The following EGFR variants were observed in gnomAD, a reference collection of about 807,000 sequenced individuals.
The protein encoded by EGFR is avian erythroblastic leukemia viral (v-erb-b) oncogene homolog.
EGFR carries 58 observed loss-of-function variants against 143.0 expected under a neutral mutation model. The observed-to-expected ratio is 0.41, with a 90% CI of 0.33 to 0.50. The LOEUF (loss-of-function observed/expected upper bound fraction) is 0.50. Among genes scored for constraint, EGFR ranks in the 20% least tolerant of loss-of-function variants. The pLI, the probability that EGFR is intolerant of heterozygous loss-of-function variation, is 0.39. For missense variants in EGFR, 1,307 were observed against 1,579.0 expected (o/e 0.83, Z 2.92); for synonymous variants, 613 against 594.4 (o/e 1.03, Z -0.45).
At chr7:55,067,684 G>A (rs1007537721) in intron 1 of EGFR, among the ~76,000 whole-genome samples, 1 of 151,294 alleles carries the variant, frequency 6.6e-6, no homozygotes, top group Non-Finnish European at 1.5e-5. Flanking sequence ...ATATTTAATT[G>A]ACAAATAAAA....
chr7:55,043,900 C>T (rs1788043694), intron 1 of EGFR: 1 of 152,160 alleles, frequency 6.6e-6, no homozygotes, highest in African/African-American at 2.4e-5. Flanking sequence ...GGATGGCATT[C>T]CTGACCAGTT....
chr7:55,166,399 G>C (rs1322482243), intron 15 of EGFR: 1 of 537,828 alleles, frequency 1.9e-6, no homozygotes, highest in Non-Finnish European at 3.6e-6. Context: ...GTGCCCTTGG[G>C]CAAGGGTCTT....
chr7:55,129,653 A>G lies in EGFR; in HGVS notation c.89-12633A>G, dbSNP rs569020114. ...GGAGCTGCAACACTGCCCTGCACAC[A>G]AACACACACAAATAACAATCCCCAG... On this transcript the variant is annotated intron_variant, in intron 1 of 27. Transcript: ENST00000275493. 3.9e-5 allele frequency among the ~76,000 whole-genome samples: 6 copies of G among 152,306 alleles called. No homozygotes were observed. In the East Asian group the frequency reaches 1.2e-3, roughly 29 times the overall value.
intron 1 of EGFR, among the ~76,000 whole-genome samples, chr7:55,134,749 T>C (rs912188101): frequency 2.0e-5 from 3 of 152,210 alleles, no homozygotes; most frequent in South Asian, 2.1e-4. Flanking sequence ...GGTAAAACAG[T>C]TATCATTGAA....
At chr7:55,131,745 G>A (rs1793849629) in intron 1 of EGFR, among the ~76,000 whole-genome samples, 1 of 152,108 alleles carries the variant, frequency 6.6e-6, no homozygotes, top group African/African-American at 2.4e-5. Context: ...AAGTCCAGAG[G>A]CCCTGGGGTG....
chr7:55,182,000 G>C (rs1322756145), intron 20 of EGFR: 1 of 205,478 alleles, frequency 4.9e-6, no homozygotes, highest in African/African-American at 2.3e-5. Context: ...CTTTCCACAG[G>C]CTCGCTCCAG....
intron 1 of EGFR, among the ~76,000 whole-genome samples, chr7:55,073,197 C>A (rs1048247852): frequency 6.6e-6 from 1 of 152,204 alleles, no homozygotes; most frequent in East Asian, 1.9e-4. Flanking sequence ...AAACTATGTG[C>A]CGGATCAAGG....
chr7:55,151,332 T>G lies in EGFR; in HGVS notation c.598T>G (p.Trp200Gly). ...CDPSCPNGSC[W>G]GAGEENCQKL... ...TCCAAGCTGTCCCAATGGGAGCTGC[T>G]GGGGTGCAGGAGAGGAGAACTGCCA... is the stretch of plus-strand genomic sequence containing the variant. The change falls in exon 5 of 28, where the codon TGG (tryptophan) becomes GGG (glycine). Residue 200 changes from tryptophan to glycine, a missense_variant. Coordinates refer to ENST00000275493, the MANE Select transcript of EGFR (RefSeq NM_005228.5). The G allele has an allele frequency of 6.2e-7, 1 of 1,614,216 alleles. No individual in the cohort carries two copies. Among genetic ancestry groups the G allele is most frequent in the Non-Finnish European group, 8.5e-7 (1 of 1,180,034 alleles).
intron 17 of EGFR, 145 bp from the exon 18 acceptor site, chr7:55,173,776 T>A (rs2128953231): frequency 1.5e-6 from 2 of 1,296,058 alleles, no homozygotes; most frequent in Non-Finnish European, 2.2e-6. Context: ...ACATTTGTCC[T>A]TCCAAATGAG....
Position 55,206,601 on chromosome 7 carries a change from T to C in EGFR, c.*984T>C, listed in dbSNP as rs1176855682. 4.3e-6 allele frequency: 1 copy of C among 233,202 alleles called. No individual in the cohort carries two copies. 14.4% of individuals were successfully genotyped at this position (233,202 alleles called of 1,614,324 possible). ...GAAATGCATCAGGTCCTTTGGGGCA[T>C]AGATCAGAAGACTACAAAAATGAAG... On this transcript the variant is annotated 3_prime_UTR_variant, in exon 28 of 28. Coordinates refer to ENST00000275493, the MANE Select transcript of EGFR (RefSeq NM_005228.5).
chr7:55,153,462 C>T (rs192147339), intron 6 of EGFR, among the ~76,000 whole-genome samples: 1 of 152,306 alleles, frequency 6.6e-6, no homozygotes, highest in East Asian at 1.9e-4. Context: ...GAGTTTGGAC[C>T]CAGACCCAGG....
chr7:55,159,372 G>A (rs1381390853), intron 11 of EGFR, among the ~76,000 whole-genome samples: 3 of 143,040 alleles, frequency 2.1e-5, no homozygotes, highest in East Asian at 5.3e-4. Context: ...CCAGGTGGCT[G>A]AGGACATCCC....
Position 55,192,840 on chromosome 7 carries a change from C to T in EGFR, c.2700C>T (p.Tyr900=), listed in dbSNP as rs530256683. The T allele has an allele frequency of 2.5e-5, 41 of 1,614,058 alleles. No homozygotes were observed. Among genetic ancestry groups the T allele is most frequent in the African/African-American group, 2.3e-4 (17 of 75,044 alleles). Residue 900 remains tyrosine (Y), a splice_region_variant and synonymous_variant, in exon 22 of 28, where the codon TAC becomes TAT. Transcript: ENST00000275493. ...IYTHQSDVWS[Y]GVTVWELMTF... ...CCCACCAGAGTGATGTCTGGAGCTACGGTGAGTCATAATCCTGATGCTAAT... is the reference window on the plus strand; with the variant it reads ...CCCACCAGAGTGATGTCTGGAGCTATGGTGAGTCATAATCCTGATGCTAAT...
chr7:55,161,550 G>T lies in EGFR; in HGVS notation c.1550G>T (p.Gly517Val). The T allele has an allele frequency of 6.2e-7, 1 of 1,614,270 alleles. No individual in the cohort carries two copies. Among genetic ancestry groups the T allele is most frequent in the Non-Finnish European group, 8.5e-7 (1 of 1,180,046 alleles). ...HALCSPEGCWGPEPRDCVSCR... is the reference protein window; with the variant it reads ...HALCSPEGCWVPEPRDCVSCR... ...TTGTGCTCCCCCGAGGGCTGCTGGGGCCCGGAGCCCAGGGACTGCGTCTCT... is the reference window on the plus strand; with the variant it reads ...TTGTGCTCCCCCGAGGGCTGCTGGGTCCCGGAGCCCAGGGACTGCGTCTCT... The change falls in exon 13 of 28, where the codon GGC becomes GTC. Residue 517 changes from glycine to valine, a missense_variant. By Grantham distance (109) the Gly-to-Val change is moderately radical (BLOSUM62 -3). Coordinates refer to ENST00000275493, the MANE Select transcript of EGFR (RefSeq NM_005228.5).
rs187916888 is a variant in EGFR, at chr7:55,207,433, T to G, written c.*1816T>G. On this transcript the variant is annotated 3_prime_UTR_variant, in exon 28 of 28. Transcript: ENST00000275493. Reference sequence around the variant, plus strand: ...AAACATAGTCCCTGATTCTAAGAAATTCACAATTTAGCAAAGGAAATGGAC... The same window carrying G: ...AAACATAGTCCCTGATTCTAAGAAAGTCACAATTTAGCAAAGGAAATGGAC... 5.1e-5 allele frequency: 10 copies of G among 197,436 alleles called. No individual in the cohort carries two copies. In the East Asian group the frequency reaches 7.9e-4, roughly 16 times the overall value. 12.2% of individuals were successfully genotyped at this position (197,436 alleles called of 1,614,324 possible).
At chr7:55,030,293 T>C (rs918627156) in intron 1 of EGFR, among the ~76,000 whole-genome samples, 2 of 152,256 alleles carry the variant, frequency 1.3e-5, no homozygotes, top group East Asian at 3.8e-4. Context: ...AAATTTGTTA[T>C]ACTTCTGTTA....
rs1039423087 is a variant in EGFR, at chr7:55,067,862, CTGTG to C, written c.88+48501_88+48504del. ...TGTGCACGTGTGCGCCTGTGTGTGTCTGTGTGTCTCTGTGTATACGTGTGTGTAC... is the reference window on the plus strand; with the variant it reads ...TGTGCACGTGTGCGCCTGTGTGTGTCTGTCTCTGTGTATACGTGTGTGTAC... On this transcript the variant is annotated intron_variant, in intron 1 of 27. Coordinates refer to ENST00000275493, the MANE Select transcript of EGFR (RefSeq NM_005228.5). Among the ~76,000 whole-genome samples, 10 of 149,982 alleles carry C rather than the reference CTGTG, an allele frequency of 6.7e-5. No homozygotes were observed. In the South Asian group the frequency reaches 1.5e-3, roughly 22 times the overall value.
chr7:55,208,196 A>G lies in EGFR; in HGVS notation c.*2579A>G, dbSNP rs888938030. The G allele has an allele frequency of 9.8e-5, 15 of 152,306 alleles. No individual in the cohort carries two copies. The highest frequency in any genetic ancestry group is 3.6e-4 in the African/African-American group (15 of 41,560). The allele number at this position is 152,306 out of a possible 1,614,324, so 9.4% of individuals were successfully genotyped here. ...TCTCACTTCATCTGTCCAGGGAGGCACAGTTCTGTCTGGTAGAAGCCGCAA... is the reference window on the plus strand; with the variant it reads ...TCTCACTTCATCTGTCCAGGGAGGCGCAGTTCTGTCTGGTAGAAGCCGCAA... On this transcript the variant is annotated 3_prime_UTR_variant, in exon 28 of 28. Coordinates refer to ENST00000275493, the MANE Select transcript of EGFR (RefSeq NM_005228.5).
At chr7:55,031,563 G>A (rs763397120) in intron 1 of EGFR, among the ~76,000 whole-genome samples, 1 of 152,202 alleles carries the variant, frequency 6.6e-6, no homozygotes, top group Non-Finnish European at 1.5e-5. Flanking sequence ...GAAGACTTGG[G>A]TGATTATCTG....
Sources: gnomAD v4.1 joint callset for allele counts (sites outside exome capture counted in the v4.1 genomes callset) on GRCh38, gnomAD v4.1.1 for gene constraint, MANE v1.5 for transcripts, NCBI Gene and HGNC (gene_info 2026-07-23, HGNC 2026-07-21) for gene names.